Variants in ABCC11 observed in about 807,000 individuals in gnomAD.
The protein encoded by ABCC11 is ATP binding cassette subfamily C member 11, also known as ATP-binding cassette sub-family C member 11.
A neutral mutation model predicts 149.3 loss-of-function variants in ABCC11; 135 were observed. The observed-to-expected ratio is 0.90, with a 90% CI of 0.79 to 1.04. ABCC11 has a LOEUF of 1.04. Among genes scored for constraint, ABCC11 ranks in the 50% least tolerant of loss-of-function variants. ABCC11 has a pLI of 0.00. For missense variants in ABCC11, 1,680 were observed against 1,722.1 expected (o/e 0.98, Z 0.43); for synonymous variants, 665 against 671.4 (o/e 0.99, Z 0.15).
In ABCC11 at chr16:48,175,387, C is replaced by G. The variant is rs137950991; in HGVS notation, c.3569G>C (p.Arg1190Pro). The part of the protein sequence containing the change: ...GKSSLGMALF[R>P]LVEPMAGRIL... ...CCGGCCTGCCATGGGCTCCACCAGG[C>G]GGAAGAGAGCCATGCCCAAGGAGGA... The change falls in exon 26 of 30, where the codon CGC becomes CCC. Residue 1190 changes from arginine (R) to proline (P), a missense_variant. Coordinates refer to ENST00000356608, the MANE Select transcript of ABCC11 (RefSeq NM_001370497.1). 1 of 1,612,414 alleles carries G rather than the reference C, an allele frequency of 6.2e-7. No individual in the cohort carries two copies. Among genetic ancestry groups the G allele is most frequent in the African/African-American group, 1.3e-5 (1 of 74,916 alleles).
At chr16:48,206,313 C>A (rs1351561210) in intron 12 of ABCC11, among the ~76,000 whole-genome samples, 1 of 152,152 alleles carries the variant, frequency 6.6e-6, no homozygotes, top group Non-Finnish European at 1.5e-5. Flanking sequence ...GTTATAACCT[C>A]TGTAATTTAA....
intron 18 of ABCC11, 140 bp from the exon 19 acceptor site, chr16:48,194,122 G>T (rs1967176455): frequency 3.4e-6 from 2 of 583,730 alleles, no homozygotes; most frequent in South Asian, 4.2e-5. Flanking sequence ...GGAGGAATGG[G>T]AAGAGCTGGG....
chr16:48,207,415 C>T (rs1968541040), intron 12 of ABCC11, among the ~76,000 whole-genome samples: 1 of 152,252 alleles, frequency 6.6e-6, no homozygotes, highest in African/African-American at 2.4e-5. Context: ...TCTATAATCC[C>T]AGCACTTTGG....
At chr16:48,200,614 A>C (rs1967882892) in intron 14 of ABCC11, 135 bp from the exon 15 acceptor site, 2 of 908,702 alleles carry the variant, frequency 2.2e-6, no homozygotes, top group African/African-American at 3.4e-5. Context: ...GATACCTGAT[A>C]ATTTGGCATT....
At chr16:48,175,834 A>G (rs1966029284) in intron 25 of ABCC11, among the ~76,000 whole-genome samples, 1 of 149,758 alleles carries the variant, frequency 6.7e-6, no homozygotes, top group South Asian at 2.1e-4. Context: ...AGCTGAGCGC[A>G]GCCACTTGGT....
Position 48,203,296 on chromosome 16 carries a change from G to A in ABCC11, c.1810C>T (p.Leu604Phe), listed in dbSNP as rs2150831090. The change falls in exon 14 of 30, where the codon CTC (leucine) becomes TTC (phenylalanine). Residue 604 changes from leucine (L) to phenylalanine (F), a missense_variant. Physicochemically the swap from Leu to Phe is conservative, Grantham distance 22 (BLOSUM62 0). Coordinates refer to ENST00000356608, the MANE Select transcript of ABCC11 (RefSeq NM_001370497.1). ...AGGGAGCAGCAGTGGAGCACCTGGA[G>A]GTATCTGTGAAGGACAGGGAGCCAT... ...MGGAYDKARY[L>F]QVLHCCSLNR... 1 of 1,576,938 alleles carries A rather than the reference G, an allele frequency of 6.3e-7. No homozygotes were observed. The highest frequency in any genetic ancestry group is 8.6e-7 in the Non-Finnish European group (1 of 1,160,420).
At chr16:48,228,137 G>A (rs1196449400) in intron 3 of ABCC11, among the ~76,000 whole-genome samples, 173 bp from the exon 4 acceptor site, 4 of 150,564 alleles carry the variant, frequency 2.7e-5, no homozygotes, top group Non-Finnish European at 4.4e-5. Flanking sequence ...ATTAATTGAG[G>A]AATTATTTAA....
At chr16:48,189,873 A>G (rs1966856511) in intron 20 of ABCC11, among the ~76,000 whole-genome samples, 1 of 152,172 alleles carries the variant, frequency 6.6e-6, no homozygotes, top group Non-Finnish European at 1.5e-5. Context: ...CATTCAGTCT[A>G]CAAGGAACGA....
chr16:48,203,642 C>A (rs1043486889), intron 13 of ABCC11, among the ~76,000 whole-genome samples: 1 of 152,056 alleles, frequency 6.6e-6, no homozygotes, highest in African/African-American at 2.4e-5. Flanking sequence ...CCAAGGAGGG[C>A]AAATCACCTG....
rs2150918273 is a variant in ABCC11, at chr16:48,230,448, A to G, written c.225T>C (p.Arg75=). 6.2e-7 allele frequency: 1 copy of G among 1,607,764 alleles called. No homozygotes were observed. The highest frequency in any genetic ancestry group is 8.5e-7 in the Non-Finnish European group (1 of 1,177,426). ...CCATCAGGACTCACCTCGGCTTGGG[A>G]CGGAAGGGAATCATGGTTCTCAAGG... ...DAALRTMIPF[R]PKPRFPAPQP... Residue 75 remains arginine (R), a synonymous_variant, in exon 3 of 30, where the codon CGT becomes CGC. Transcript: ENST00000356608.
chr16:48,240,727 T>G (rs1331171182), intron 1 of ABCC11, among the ~76,000 whole-genome samples: 2 of 151,824 alleles, frequency 1.3e-5, no homozygotes, highest in Non-Finnish European at 2.9e-5. Context: ...CCATTACTTT[T>G]GCACCAACCT....
chr16:48,228,111 A>G, intron 3 of ABCC11, 147 bp from the exon 4 acceptor site: 1 of 802,922 alleles, frequency 1.2e-6, no homozygotes, highest in Non-Finnish European at 1.9e-6. Context: ...GAAAATCATA[A>G]ACAACAAAAG....
chr16:48,194,129 TG>T, intron 18 of ABCC11, 147 bp from the exon 19 acceptor site: 1 of 577,584 alleles, frequency 1.7e-6, no homozygotes, highest in South Asian at 2.1e-5. Flanking sequence ...TGGGAAGAGC[TG>T]GGTTCCAAAG....
Position 48,193,880 on chromosome 16 carries a change from C to A in ABCC11, c.2507G>T (p.Gly836Val). 1 of 1,613,106 alleles carries A rather than the reference C, an allele frequency of 6.2e-7. No individual in the cohort carries two copies. Residue 836 changes from glycine to valine, a missense_variant and splice_region_variant, in exon 19 of 30, where the codon GGG becomes GTG. Physicochemically the swap from Gly to Val is moderately radical, Grantham distance 109 (BLOSUM62 -3). Transcript: ENST00000356608. ...WLSYWLEQGSGTNSSRESNGT... is the reference protein window; with the variant it reads ...WLSYWLEQGSVTNSSRESNGT... ...GCCCATCCACCTCATGGCACTCACC[C>A]CCGAGCCCTGCTCCAACCAGTAGCT...
In ABCC11 at chr16:48,210,972, G is replaced by A. The variant is rs1324416703; in HGVS notation, c.1584C>T (p.His528=). 6.2e-7 allele frequency: 1 copy of A among 1,614,044 alleles called. No homozygotes were observed. The highest frequency in any genetic ancestry group is 8.5e-7 in the Non-Finnish European group (1 of 1,180,044). Residue 528 remains histidine, a synonymous_variant, in exon 11 of 30, where the codon CAC becomes CAT. Coordinates refer to ENST00000356608, the MANE Select transcript of ABCC11 (RefSeq NM_001370497.1). ...CCTTGGACACCACCAGGTTGATCTT[G>A]TGCAACTCTGGGCCCAGGCTGTTCC... ...EEGNSLGPEL[H]KINLVVSKGM... is the part of the protein sequence containing the mutation.
intron 25 of ABCC11, among the ~76,000 whole-genome samples, chr16:48,176,348 G>A (rs967599614): frequency 6.6e-6 from 1 of 152,032 alleles, no homozygotes; most frequent in Admixed American, 6.6e-5. Context: ...AGAGGGAGGG[G>A]GACTTGGGCC....
In ABCC11 at chr16:48,187,102, G is replaced by A. The variant is rs1394734237; in HGVS notation, c.2934-12C>T. 6.2e-7 allele frequency: 1 copy of A among 1,614,192 alleles called. No homozygotes were observed. On this transcript the variant is annotated splice_polypyrimidine_tract_variant and intron_variant, in intron 21 of 29. Coordinates refer to ENST00000356608, the MANE Select transcript of ABCC11 (RefSeq NM_001370497.1). ...CCTTCTTGAACATCCTGCATGGACA[G>A]TGGAGGTAAGGGACCTGGACCGTCC...
At chr16:48,198,855 G>T (rs563499488) in intron 15 of ABCC11, among the ~76,000 whole-genome samples, 1 of 152,002 alleles carries the variant, frequency 6.6e-6, no homozygotes. Flanking sequence ...TGGCCAACAC[G>T]GTGAAACCTC....
intron 1 of ABCC11, among the ~76,000 whole-genome samples, chr16:48,240,799 C>T (rs1410647816): frequency 6.6e-6 from 1 of 151,968 alleles, no homozygotes; most frequent in Non-Finnish European, 1.5e-5. Context: ...TTACATAATA[C>T]TTACTAATTA....
Sources: allele counts gnomAD v4.1 joint callset (sites outside exome capture counted in the v4.1 genomes callset), GRCh38; gene constraint gnomAD v4.1.1; transcripts MANE v1.5; gene names NCBI Gene and HGNC (gene_info 2026-07-23, HGNC 2026-07-21).